The following ST6GALNAC5 variants were observed in gnomAD, a reference collection of about 807,000 sequenced individuals.
ST6GALNAC5 encodes alpha-N-acetylgalactosaminide alpha-2,6-sialyltransferase 5.
Under a neutral mutation model 33.6 loss-of-function variants are expected in ST6GALNAC5, and 27 were observed. The observed-to-expected ratio is 0.80, with a 90% CI of 0.59 to 1.11. The LOEUF is 1.11. Among genes scored for constraint, ST6GALNAC5 ranks in the 50% least tolerant of loss-of-function variants. ST6GALNAC5 has a pLI of 0.00. For missense variants in ST6GALNAC5, 428 were observed against 454.0 expected (o/e 0.94, Z 0.52); for synonymous variants, 194 against 171.2 (o/e 1.13, Z -1.04).
chr1:77,004,330 T>C (rs1369481406), intron 2 of ST6GALNAC5, among the ~76,000 whole-genome samples: 1 of 149,010 alleles, frequency 6.7e-6, no homozygotes, highest in African/African-American at 2.4e-5. Context: ...CGAGCCTTGG[T>C]TTTCAGCTCC....
chr1:76,945,550 T>C (rs534586603), intron 2 of ST6GALNAC5, among the ~76,000 whole-genome samples: 3 of 152,166 alleles, frequency 2.0e-5, no homozygotes, highest in Non-Finnish European at 2.9e-5. Flanking sequence ...CACAATCCCA[T>C]ATATTTAAGC....
chr1:77,009,284 G>C (rs1270417088), intron 2 of ST6GALNAC5, among the ~76,000 whole-genome samples: 1 of 152,188 alleles, frequency 6.6e-6, no homozygotes, highest in Non-Finnish European at 1.5e-5. Flanking sequence ...TGGGCCCAGT[G>C]AGAGTTTGGT....
rs147985877 is a variant in ST6GALNAC5 at position 77,026,585 on chromosome 1, A to T, written c.262-17619A>T. ...GCTCCATGTGCCAAGCAGCAGCATA[A>T]TATGCAGGGCTCTGCAAAGTCAGCA... On this transcript the variant is annotated intron_variant, in intron 2 of 4. Coordinates refer to ENST00000477717, the MANE Select transcript of ST6GALNAC5 (RefSeq NM_030965.3). Among the ~76,000 whole-genome samples the T allele has an allele frequency of 7.5e-4, 115 of 152,324 alleles. No individual in the cohort carries two copies. The East Asian group carries it at 0.018, about 24-fold the overall frequency.
At chr1:76,996,936 G>T (rs910941581) in intron 2 of ST6GALNAC5, among the ~76,000 whole-genome samples, 2 of 152,168 alleles carry the variant, frequency 1.3e-5, no homozygotes. Context: ...AATCTTCCAG[G>T]ATTTGTACCA....
chr1:77,037,619 A>G (rs1557770044), intron 2 of ST6GALNAC5, among the ~76,000 whole-genome samples: 1 of 152,350 alleles, frequency 6.6e-6, no homozygotes, highest in East Asian at 1.9e-4. Flanking sequence ...TCCAAAAGCA[A>G]TAAGAAGCAA....
chr1:77,050,045 G>A (rs368048748), intron 3 of ST6GALNAC5, among the ~76,000 whole-genome samples: 1 of 152,296 alleles, frequency 6.6e-6, no homozygotes, highest in South Asian at 2.1e-4. Context: ...CACAAATTCA[G>A]CATGAGCATT....
At position 76,986,976 on chromosome 1, in the gene ST6GALNAC5, T is replaced by C. The variant is rs12092330; in HGVS notation, c.262-57228T>C. 6.8e-3 allele frequency among the ~76,000 whole-genome samples: 1,027 copies of C among 152,104 alleles called. 13 individuals are homozygous for C. The highest frequency in any genetic ancestry group is 0.02 in the Middle Eastern group (6 of 294). On this transcript the variant is annotated intron_variant, in intron 2 of 4. Transcript: ENST00000477717. ...GGTGGGAATTGAACAATGAGATCAG[T>C]TGGACACAGGGCAAGGGAACATCAC... is the stretch of plus-strand genomic sequence containing the variant.
At chr1:76,931,010 A>G (rs570749986) in intron 2 of ST6GALNAC5, among the ~76,000 whole-genome samples, 1 of 152,240 alleles carries the variant, frequency 6.6e-6, no homozygotes, top group South Asian at 2.1e-4. Flanking sequence ...AAGGGGATGG[A>G]ATATTCATGA....
intron 2 of ST6GALNAC5, among the ~76,000 whole-genome samples, chr1:76,896,564 G>A (rs1026814010): frequency 6.6e-6 from 1 of 152,126 alleles, no homozygotes; most frequent in Non-Finnish European, 1.5e-5. Flanking sequence ...TCAGGGTGAG[G>A]AACAGGAAAG....
intron 2 of ST6GALNAC5, chr1:76,995,511 C>G (rs1038405079): frequency 6.6e-6 from 1 of 152,086 alleles, no homozygotes; most frequent in African/African-American, 2.4e-5. Flanking sequence ...TATTGACGGA[C>G]AAGTTACAGG....
intron 2 of ST6GALNAC5, among the ~76,000 whole-genome samples, chr1:76,945,511 T>C (rs1557732589): frequency 6.6e-6 from 1 of 152,126 alleles, no homozygotes; most frequent in African/African-American, 2.4e-5. Flanking sequence ...TAGACTTTCA[T>C]GTTCTACATT....
intron 2 of ST6GALNAC5, among the ~76,000 whole-genome samples, chr1:76,916,833 C>A (rs1646981084): frequency 6.6e-6 from 1 of 151,878 alleles, no homozygotes; most frequent in African/African-American, 2.4e-5. Flanking sequence ...TGAGTTTTTT[C>A]TTATGTTTGA....
At chr1:76,875,755 A>G (rs1449100293) in intron 2 of ST6GALNAC5, among the ~76,000 whole-genome samples, 1 of 152,046 alleles carries the variant, frequency 6.6e-6, no homozygotes, top group Non-Finnish European at 1.5e-5. Context: ...TATGGGAGAA[A>G]CAGTACCATA....
intron 2 of ST6GALNAC5, among the ~76,000 whole-genome samples, chr1:76,970,642 T>C (rs1648711579): frequency 6.6e-6 from 1 of 152,132 alleles, no homozygotes; most frequent in South Asian, 2.1e-4. Context: ...TTCAGGATAT[T>C]ATCCAGGAGA....
At chr1:77,054,316 A>C (rs578199928) in intron 4 of ST6GALNAC5, among the ~76,000 whole-genome samples, 150 of 152,234 alleles carry the variant, frequency 9.9e-4, no homozygotes, top group Non-Finnish European at 1.7e-3. Flanking sequence ...CTTGCATTCC[A>C]CTGATTCTAT....
chr1:76,987,648 A>G (rs762061738), intron 2 of ST6GALNAC5, among the ~76,000 whole-genome samples: 8 of 152,224 alleles, frequency 5.3e-5, no homozygotes, highest in Non-Finnish European at 1.0e-4. Flanking sequence ...GAATGTTCAT[A>G]GCAGCACCAG....
At chr1:76,940,729 G>A (rs1647313282) in intron 2 of ST6GALNAC5, among the ~76,000 whole-genome samples, 2 of 152,014 alleles carry the variant, frequency 1.3e-5, no homozygotes, top group Admixed American at 1.3e-4. Flanking sequence ...CAATAACAAT[G>A]ACAGTAAGTA....
At position 77,004,147 on chromosome 1, in the gene ST6GALNAC5, G is replaced by T. The variant is rs1296612147; in HGVS notation, c.262-40057G>T. On this transcript the variant is annotated intron_variant, in intron 2 of 4. Transcript: ENST00000477717. ...AGTACACCAATCAGACGTAGATTTG[G>T]TCTTTTCACATAGTCCCATATTTCT... Among the ~76,000 whole-genome samples, 3 of 151,708 alleles carry T rather than the reference G, an allele frequency of 2.0e-5. 1 individual carries two copies. The highest frequency in any genetic ancestry group is 4.8e-5 in the African/African-American group (2 of 41,398).
At chr1:76,970,277 G>T (rs889859492) in intron 2 of ST6GALNAC5, among the ~76,000 whole-genome samples, 1 of 151,862 alleles carries the variant, frequency 6.6e-6, no homozygotes. Flanking sequence ...GAGGATGTTC[G>T]AATCCATCAC....
Sources: allele counts gnomAD v4.1 joint callset (sites outside exome capture counted in the v4.1 genomes callset), GRCh38; gene constraint gnomAD v4.1.1; transcripts MANE v1.5; gene names NCBI Gene and HGNC (gene_info 2026-07-23, HGNC 2026-07-21).